The following DAGLA variants were observed in gnomAD, a reference collection of about 807,000 sequenced individuals.
DAGLA encodes diacylglycerol lipase alpha, also known as diacylglycerol lipase-alpha.
Under a neutral mutation model 102.6 loss-of-function variants are expected in DAGLA, and 22 were observed. The ratio of observed to expected loss-of-function variants is 0.21; its 90% CI spans 0.15 to 0.31. DAGLA has a LOEUF of 0.31. Among genes scored for constraint, DAGLA ranks in the 10% least tolerant of loss-of-function variants. The probability of loss-of-function intolerance (pLI) is 1.00; values close to 1 mark genes in which losing one functional copy is unlikely to be tolerated. For missense variants in DAGLA, 927 were observed against 1,446.6 expected (o/e 0.64, Z 5.83); for synonymous variants, 578 against 628.9 (o/e 0.92, Z 1.21).
At chr11:61,697,167 G>A (rs2065073787) in intron 1 of DAGLA, among the ~76,000 whole-genome samples, 4 of 152,184 alleles carry the variant, frequency 2.6e-5, no homozygotes, top group Admixed American at 2.6e-4. Flanking sequence ...GCCATGGACA[G>A]CTCCAGTGAC....
intron 19 of DAGLA, among the ~76,000 whole-genome samples, chr11:61,742,305 T>A (rs951152578): frequency 1.3e-5 from 2 of 152,104 alleles, no homozygotes; most frequent in African/African-American, 4.8e-5. Context: ...GCGAGGCTCT[T>A]AAGTGGTAGT....
chr11:61,735,116 C>A, intron 10 of DAGLA, 114 bp downstream of exon 10: 1 of 1,274,224 alleles, frequency 7.8e-7, no homozygotes, highest in Non-Finnish European at 1.1e-6. Flanking sequence ...TGCTGGCTGG[C>A]TGCAGCTTCC....
At chr11:61,739,697 G>A in intron 17 of DAGLA, 36 bp downstream of exon 17, 2 of 1,601,792 alleles carry the variant, frequency 1.2e-6, no homozygotes, top group Non-Finnish European at 8.5e-7. Context: ...GCAGGGGGTA[G>A]TGGCCAGGGC....
chr11:61,733,382 G>A (rs991479172), intron 9 of DAGLA, among the ~76,000 whole-genome samples: 3 of 152,184 alleles, frequency 2.0e-5, no homozygotes, highest in Non-Finnish European at 4.4e-5. Context: ...ATTGTACATC[G>A]GCTTTGTCCC....
intron 17 of DAGLA, among the ~76,000 whole-genome samples, chr11:61,740,261 G>A (rs1256131048): frequency 1.3e-5 from 2 of 152,204 alleles, no homozygotes; most frequent in East Asian, 3.9e-4. Flanking sequence ...GACCATGGCT[G>A]AGGCTCGAGG....
intron 5 of DAGLA, among the ~76,000 whole-genome samples, chr11:61,725,692 T>C (rs1020111218): frequency 6.6e-6 from 1 of 152,050 alleles, no homozygotes; most frequent in Non-Finnish European, 1.5e-5. Flanking sequence ...TGTTCAGTCT[T>C]CCAAAAGCCA....
chr11:61,722,597 G>A (rs572596432), intron 3 of DAGLA, among the ~76,000 whole-genome samples: 6 of 152,296 alleles, frequency 3.9e-5, no homozygotes, highest in Admixed American at 3.3e-4. Flanking sequence ...GGATGCCCCG[G>A]GGACTTGAGA....
chr11:61,723,575 C>T lies in DAGLA; in HGVS notation c.548+3C>T. 6.2e-7 allele frequency: 1 copy of T among 1,612,502 alleles called. No homozygotes were observed. Among genetic ancestry groups the T allele is most frequent in the South Asian group, 1.1e-5 (1 of 91,002 alleles). ...AACCTGCGGACCTACAACCTGCGGT[C>T]AGTCAGCGGGCTGGGTGGGCAGTCC... On this transcript the variant is annotated splice_donor_region_variant and intron_variant, in intron 5 of 19. Coordinates refer to ENST00000257215, the MANE Select transcript of DAGLA (RefSeq NM_006133.3).
At chr11:61,699,922 G>A in intron 1 of DAGLA, among the ~76,000 whole-genome samples, 1 of 152,274 alleles carries the variant, frequency 6.6e-6, no homozygotes. Flanking sequence ...CCTGGAAGGA[G>A]GGTGGGGCTG....
intron 6 of DAGLA, 40 bp downstream of exon 6, chr11:61,726,122 G>T: frequency 6.3e-7 from 1 of 1,583,740 alleles, no homozygotes. Context: ...CTCACATCCT[G>T]TGGTCAGGTG....
intron 1 of DAGLA, among the ~76,000 whole-genome samples, chr11:61,717,864 C>A (rs1027636638): frequency 6.6e-6 from 1 of 152,212 alleles, no homozygotes; most frequent in Non-Finnish European, 1.5e-5. Context: ...ATCCCTCCAG[C>A]GTCTTGACAG....
intron 3 of DAGLA, 66 bp from the exon 4 acceptor site, chr11:61,722,793 G>A: frequency 7.2e-7 from 1 of 1,389,018 alleles, no homozygotes; most frequent in Non-Finnish European, 1.0e-6. Context: ...GCCAGGCCGG[G>A]GTTCTAGGCC....
chr11:61,685,136 A>G (rs2135545971), intron 1 of DAGLA, among the ~76,000 whole-genome samples: 1 of 152,028 alleles, frequency 6.6e-6, no homozygotes, highest in South Asian at 2.1e-4. Flanking sequence ...ATGGGTAGTT[A>G]TGACTTCAGA....
chr11:61,702,089 T>A lies in DAGLA; in HGVS notation c.-44-18023T>A, dbSNP rs185450661. 3.6e-3 allele frequency among the ~76,000 whole-genome samples: 543 copies of A among 151,720 alleles called. 5 individuals carry two copies. The highest frequency in any genetic ancestry group is 0.012 in the African/African-American group (512 of 41,174). ...CCACATCTGGCTAAATTAAAAAAAA[T>A]TTTTTTTGTAAAAATGGGTTCTTAC... is the stretch of plus-strand genomic sequence containing the variant. On this transcript the variant is annotated intron_variant, in intron 1 of 19. Coordinates refer to ENST00000257215, the MANE Select transcript of DAGLA (RefSeq NM_006133.3).
At chr11:61,689,993 C>G (rs2065011586) in intron 1 of DAGLA, among the ~76,000 whole-genome samples, 1 of 152,176 alleles carries the variant, frequency 6.6e-6, no homozygotes, top group African/African-American at 2.4e-5. Context: ...GCCATCCTCT[C>G]TGGTCTGGGC....
At chr11:61,685,019 A>C (rs1046537525) in intron 1 of DAGLA, among the ~76,000 whole-genome samples, 3 of 152,008 alleles carry the variant, frequency 2.0e-5, no homozygotes, top group African/African-American at 7.3e-5. Context: ...TCTGTGTGCT[A>C]CCTGGGGGCG....
At position 61,737,198 on chromosome 11, in the gene DAGLA, A is replaced by G. The variant is rs1332517665; in HGVS notation, c.1388A>G (p.His463Arg). 6.2e-7 allele frequency: 1 copy of G among 1,613,394 alleles called. No individual in the cohort carries two copies. Among genetic ancestry groups the G allele is most frequent in the Non-Finnish European group, 8.5e-7 (1 of 1,179,998 alleles). ...FGRDLGRGTK[H>R]YGLIVVGHSL... ...GGTCTCCAGGGCCGCGGAACCAAAC[A>G]CTACGGCCTGATTGTGGTGGGCCAC... The change falls in exon 14 of 20, where the codon CAC (histidine) becomes CGC (arginine). Residue 463 changes from histidine (H) to arginine (R), a missense_variant. This residue lies in a region of DAGLA where 218 missense variants were observed against 459.6 expected (regional missense o/e 0.47). Coordinates refer to ENST00000257215, the MANE Select transcript of DAGLA (RefSeq NM_006133.3).
chr11:61,722,588 G>A lies in DAGLA; in HGVS notation c.308-271G>A, dbSNP rs565561406. Reference sequence around the variant, plus strand: ...ACAACAAGAGCAAAACTCCATCAGGGATGCCCCGGGGACTTGAGAGCACAG... The same window carrying A: ...ACAACAAGAGCAAAACTCCATCAGGAATGCCCCGGGGACTTGAGAGCACAG... On this transcript the variant is annotated intron_variant, in intron 3 of 19. Transcript: ENST00000257215. Among the ~76,000 whole-genome samples the A allele has an allele frequency of 8.5e-5, 13 of 152,250 alleles. No individual in the cohort carries two copies. The South Asian group carries it at 2.7e-3, about 32-fold the overall frequency.
At position 61,684,645 on chromosome 11, in the gene DAGLA, A is replaced by T. The variant is rs2064971822; in HGVS notation, c.-45+4141A>T. On this transcript the variant is annotated intron_variant, in intron 1 of 19. Transcript: ENST00000257215. The surrounding 1 kb of genome is among the most constrained non-coding windows in gnomAD (Gnocchi z 4.5). ...TGGCAGGAACGCCTAAGTCCTCTAGATGGGGATGGGGCTGTTATTACCGCG... is the reference window on the plus strand; with the variant it reads ...TGGCAGGAACGCCTAAGTCCTCTAGTTGGGGATGGGGCTGTTATTACCGCG... Among the ~76,000 whole-genome samples, 1 of 152,024 alleles carries T rather than the reference A, an allele frequency of 6.6e-6. No individual in the cohort carries two copies. The highest frequency in any genetic ancestry group is 2.1e-4 in the South Asian group (1 of 4,826).
Sources: allele counts gnomAD v4.1 joint callset (sites outside exome capture counted in the v4.1 genomes callset), GRCh38; gene constraint gnomAD v4.1.1; regional missense constraint gnomAD v4.1.1; non-coding constraint Gnocchi (gnomAD v3.1); transcripts MANE v1.5; gene names NCBI Gene and HGNC (gene_info 2026-07-23, HGNC 2026-07-21).